GALNT15: variants seen among roughly 807,000 people sequenced by gnomAD.
GALNT15 encodes UDP-GalNAc transferase T15.
GALNT15 carries 67 observed loss-of-function variants against 66.8 expected under a neutral mutation model. The observed-to-expected ratio is 1.00, with a 90% CI of 0.82 to 1.23. The LOEUF (loss-of-function observed/expected upper bound fraction) is 1.23. GALNT15 is among the 50% of genes most tolerant of loss of function. GALNT15 has a pLI of 0.00. For synonymous variants in GALNT15, 313 were observed against 311.5 expected, an observed-to-expected ratio of 1.00 and a Z score of -0.05; for missense variants, 827 against 804.3, an observed-to-expected ratio of 1.03 and a Z score of -0.34.
At chr3:16,235,116 G>C (rs367950421), downstream of GALNT15, among the ~76,000 whole-genome samples, 3 of 151,960 alleles carry the variant, frequency 2.0e-5, no homozygotes, top group African/African-American at 4.8e-5. Context: ...GTAAAGACAG[G>C]GTTTCAACAT....
At chr3:16,201,029 C>T (rs1341869442) in intron 3 of GALNT15, among the ~76,000 whole-genome samples, 1 of 151,794 alleles carries the variant, frequency 6.6e-6, no homozygotes, top group Non-Finnish European at 1.5e-5. Flanking sequence ...ATCTACCTTG[C>T]TTTATAGATA....
chr3:16,234,333 T>G (rs1236944171), downstream of GALNT15, among the ~76,000 whole-genome samples: 1 of 152,182 alleles, frequency 6.6e-6, no homozygotes, highest in Non-Finnish European at 1.5e-5. Context: ...CTTTTTTTTT[T>G]TCTTCCGCGA....
In GALNT15 at chr3:16,227,693, TTAAA is replaced by T; in HGVS notation, c.*194_*197del. 5.6e-6 allele frequency: 7 copies of T among 1,255,772 alleles called. No homozygotes were observed. The highest frequency in any genetic ancestry group is 4.0e-5 in the Admixed American group (1 of 25,012). The allele number at this position is 1,255,772 out of a possible 1,614,324, so 77.8% of individuals were successfully genotyped here. On this transcript the variant is annotated 3_prime_UTR_variant, in exon 10 of 10. Coordinates refer to ENST00000339732, the MANE Select transcript of GALNT15 (RefSeq NM_054110.5). The surrounding 1 kb of genome is among the most constrained non-coding windows in gnomAD (Gnocchi z 4.5). ...CTTATTTCATTGACTGCTGGCTGCTTTAAAAAAAAAAAAAAAGGATCCATTGTAC... is the reference window on the plus strand; with the variant it reads ...CTTATTTCATTGACTGCTGGCTGCTTAAAAAAAAAAAAGGATCCATTGTAC...
chr3:16,213,003 T>C (rs1356109976), intron 6 of GALNT15, among the ~76,000 whole-genome samples: 2 of 152,206 alleles, frequency 1.3e-5, no homozygotes, highest in East Asian at 3.9e-4. Flanking sequence ...ATCTATGGGA[T>C]GACATCTATG....
downstream of GALNT15, chr3:16,231,851 A>G (rs1292676330): frequency 6.5e-7 from 1 of 1,536,438 alleles, no homozygotes; most frequent in Admixed American, 2.0e-5. The surrounding 1 kb of genome is among the most constrained non-coding windows in gnomAD (Gnocchi z 4.1). Context: ...TTAACTTTTC[A>G]GCAGATTGTG....
chr3:16,186,988 G>A lies in GALNT15; in HGVS notation c.540-8772G>A, dbSNP rs551851312. Among the ~76,000 whole-genome samples the A allele has an allele frequency of 3.9e-5, 6 of 152,268 alleles. No homozygotes were observed. Among genetic ancestry groups the A allele is most frequent in the Admixed American group, 6.5e-5 (1 of 15,298 alleles). ...ATTAAAACATTAGTGATTTCAGGCC[G>A]GGCGTGGTGGCTCACTCCTGTAATC... On this transcript the variant is annotated intron_variant, in intron 1 of 9. Transcript: ENST00000339732. This position sits in a 1 kb window ranked among gnomAD's most constrained non-coding sequence, Gnocchi z 5.1.
rs2063692618 is a variant in GALNT15 at position 16,200,798 on chromosome 3, C to T, written c.886C>T (p.Leu296Phe). 6.2e-7 allele frequency: 1 copy of T among 1,610,380 alleles called. No homozygotes were observed. Among genetic ancestry groups the T allele is most frequent in the Non-Finnish European group, 8.5e-7 (1 of 1,178,624 alleles). The change falls in exon 3 of 10, where the codon CTC becomes TTC. Residue 296 changes from leucine (L) to phenylalanine (F), a missense_variant. Leu to Phe is a conservative substitution (Grantham distance 22). Coordinates refer to ENST00000339732, the MANE Select transcript of GALNT15 (RefSeq NM_054110.5). The surrounding 1 kb of genome is among the most constrained non-coding windows in gnomAD (Gnocchi z 4.4). ...GTGCCACCCAGGCTGGCTGGAGCCCCTCCTCAGCAGAATAGCTGGTGACAG... is the reference window on the plus strand; with the variant it reads ...GTGCCACCCAGGCTGGCTGGAGCCCTTCCTCAGCAGAATAGCTGGTGACAG... ...CECHPGWLEPLLSRIAGDRSR... is the reference protein window; with the variant it reads ...CECHPGWLEPFLSRIAGDRSR...
At chr3:16,247,622 A>G in the GALNT15 span, among the ~76,000 whole-genome samples, 2 of 152,252 alleles carry the variant, frequency 1.3e-5, no homozygotes, top group Non-Finnish European at 2.9e-5. Flanking sequence ...CCAACCCCAC[A>G]ACTGATAAAA....
chr3:16,243,950 A>G, the GALNT15 span: 1 of 976,270 alleles, frequency 1.0e-6, no homozygotes, highest in Non-Finnish European at 1.2e-6. Context: ...GTGTATGTTA[A>G]GTAAGGAGCG....
intron 1 of GALNT15, among the ~76,000 whole-genome samples, chr3:16,192,186 A>G (rs2124855346): frequency 6.6e-6 from 1 of 152,324 alleles, no homozygotes; most frequent in South Asian, 2.1e-4. Context: ...TACTACAAGG[A>G]TACATACACC....
In GALNT15 at chr3:16,188,312, G is replaced by A. The variant is rs143518825; in HGVS notation, c.540-7448G>A. On this transcript the variant is annotated intron_variant, in intron 1 of 9. Coordinates refer to ENST00000339732, the MANE Select transcript of GALNT15 (RefSeq NM_054110.5). This position sits in a 1 kb window ranked among gnomAD's most constrained non-coding sequence, Gnocchi z 4.6. ...TGGCACAAAATGGCAGCCATAGGTC[G>A]TGTCCCATCACAGACATGTTTGTTT... Among the ~76,000 whole-genome samples, 7 of 152,356 alleles carry A rather than the reference G, an allele frequency of 4.6e-5. No individual in the cohort carries two copies. Among genetic ancestry groups the A allele is most frequent in the South Asian group, 2.1e-4 (1 of 4,828 alleles).
intron 9 of GALNT15, among the ~76,000 whole-genome samples, chr3:16,223,386 C>T (rs1193210406): frequency 6.6e-6 from 1 of 152,156 alleles, no homozygotes; most frequent in Non-Finnish European, 1.5e-5. Context: ...AGTATCAACA[C>T]TGTGTCCATA....
intron 3 of GALNT15, among the ~76,000 whole-genome samples, chr3:16,202,913 T>C (rs2063717956): frequency 6.6e-6 from 1 of 152,228 alleles, no homozygotes; most frequent in Non-Finnish European, 1.5e-5. Flanking sequence ...ATTTGACAAC[T>C]GGGCTGTTTT....
In GALNT15 at chr3:16,203,520, TTC is replaced by T. The variant is rs56306167; in HGVS notation, c.911+2720_911+2721del. ...TCTCTCTCTGTCTCTTGGTCACTCA[TTC>T]TCTCTCTCTCTCTCTCTCTCTCACA... On this transcript the variant is annotated intron_variant, in intron 3 of 9. Transcript: ENST00000339732. This position sits in a 1 kb window ranked among gnomAD's most constrained non-coding sequence, Gnocchi z 6.2. Among the ~76,000 whole-genome samples, 14,338 of 113,918 alleles carry T rather than the reference TTC, an allele frequency of 0.13. 1,057 individuals are homozygous for T. Among genetic ancestry groups the T allele is most frequent in the Middle Eastern group, 0.23 (47 of 208 alleles). The allele number at this position is 113,918 out of a possible 152,430, so 74.7% of individuals were successfully genotyped here.
At chr3:16,207,048 A>C (rs977662540) in intron 3 of GALNT15, among the ~76,000 whole-genome samples, 1 of 152,224 alleles carries the variant, frequency 6.6e-6, no homozygotes, top group African/African-American at 2.4e-5. Context: ...TTTGCCTTCC[A>C]GCAGAAACAA....
rs1435403806 is a variant in GALNT15, at chr3:16,187,608, T to C, written c.540-8152T>C. Reference sequence around the variant, plus strand: ...TGTCACTTCTAGTACATTCTATTGGTCTAAGGAAGGCACAAGGCCAGCCAG... The same window carrying C: ...TGTCACTTCTAGTACATTCTATTGGCCTAAGGAAGGCACAAGGCCAGCCAG... On this transcript the variant is annotated intron_variant, in intron 1 of 9. Coordinates refer to ENST00000339732, the MANE Select transcript of GALNT15 (RefSeq NM_054110.5). This position sits in a 1 kb window ranked among gnomAD's most constrained non-coding sequence, Gnocchi z 5.1. Among the ~76,000 whole-genome samples the C allele has an allele frequency of 6.6e-6, 1 of 152,206 alleles. No individual in the cohort carries two copies. Among genetic ancestry groups the C allele is most frequent in the African/African-American group, 2.4e-5 (1 of 41,458 alleles).
At chr3:16,235,987 C>G (rs1195996336), downstream of GALNT15, among the ~76,000 whole-genome samples, 1 of 151,134 alleles carries the variant, frequency 6.6e-6, no homozygotes, top group Non-Finnish European at 1.5e-5. Context: ...TGCCTGTAAT[C>G]CCATCTACTC....
rs754816402 is a variant in GALNT15 at position 16,175,672 on chromosome 3, C to A, written c.521C>A (p.Pro174His). The change falls in exon 1 of 10, where the codon CCC becomes CAC. Residue 174 changes from proline to histidine, a missense_variant. Pro to His is a moderately conservative substitution (Grantham distance 77). Transcript: ENST00000339732. The surrounding 1 kb of genome is among the most constrained non-coding windows in gnomAD (Gnocchi z 5.6). ...CGCATCCCCCTCCAGAGGGCTCTGC[C>A]CGAGGTGCGGCACCCACTGTAAGTA... is the stretch of plus-strand genomic sequence containing the variant. ...SARIPLQRAL[P>H]EVRHPLCLQQ... 6.3e-7 allele frequency: 1 copy of A among 1,597,950 alleles called. No homozygotes were observed. The highest frequency in any genetic ancestry group is 1.1e-5 in the South Asian group (1 of 89,614).
Position 16,176,137 on chromosome 3 carries a change from T to C in GALNT15, c.539+447T>C, listed in dbSNP as rs1209482853. Among the ~76,000 whole-genome samples the C allele has an allele frequency of 6.6e-6, 1 of 152,240 alleles. No homozygotes were observed. Among genetic ancestry groups the C allele is most frequent in the Non-Finnish European group, 1.5e-5 (1 of 68,040 alleles). ...CTCCACTACATTTTGATTTTAGGGT[T>C]ATTGTTAGTGTTTGCTTTTAGTTTG... On this transcript the variant is annotated intron_variant, in intron 1 of 9. Coordinates refer to ENST00000339732, the MANE Select transcript of GALNT15 (RefSeq NM_054110.5). This position sits in a 1 kb window ranked among gnomAD's most constrained non-coding sequence, Gnocchi z 5.6.
Sources: allele counts gnomAD v4.1 joint callset (sites outside exome capture counted in the v4.1 genomes callset), GRCh38; gene constraint gnomAD v4.1.1; non-coding constraint Gnocchi (gnomAD v3.1); transcripts MANE v1.5; gene names NCBI Gene and HGNC (gene_info 2026-07-23, HGNC 2026-07-21).